PARD3B: variants seen among roughly 807,000 people sequenced by gnomAD.
The protein encoded by PARD3B is par-3 family cell polarity regulator beta.
Under a neutral mutation model 130.2 loss-of-function variants are expected in PARD3B, and 103 were observed. The observed-to-expected ratio is 0.79, with a 90% confidence interval of 0.67 to 0.93. PARD3B has a LOEUF of 0.93. Among genes scored for constraint, PARD3B ranks in the 40% least tolerant of loss-of-function variants. PARD3B has a pLI of 0.00. For synonymous variants in PARD3B, 583 were observed against 553.2 expected (o/e 1.05, Z -0.76); for missense variants, 1,609 against 1,499.2 (o/e 1.07, Z -1.21).
chr2:205,275,866 T>C, intron 16 of PARD3B, among the ~76,000 whole-genome samples: 1 of 144,582 alleles, frequency 6.9e-6, no homozygotes, highest in South Asian at 2.2e-4. Flanking sequence ...AAAAAAAGGT[T>C]CAATTAGATG....
chr2:204,753,300 G>A (rs2040536832), intron 2 of PARD3B, among the ~76,000 whole-genome samples: 1 of 152,006 alleles, frequency 6.6e-6, no homozygotes, highest in African/African-American at 2.4e-5. Context: ...AATATCTTCA[G>A]TTTTTCATCC....
chr2:205,262,573 A>C (rs1161737016), intron 16 of PARD3B, among the ~76,000 whole-genome samples: 2 of 152,110 alleles, frequency 1.3e-5, no homozygotes, highest in African/African-American at 4.8e-5. Flanking sequence ...GTGTTGTTTC[A>C]AAAGTATAAG....
At chr2:205,381,683 A>G (rs1010490533) in intron 18 of PARD3B, among the ~76,000 whole-genome samples, 2 of 151,994 alleles carry the variant, frequency 1.3e-5, no homozygotes, top group Non-Finnish European at 2.9e-5. Flanking sequence ...TTCCCAACCA[A>G]TAAAAGCGAA....
At chr2:204,814,158 G>A (rs1245280314) in intron 2 of PARD3B, among the ~76,000 whole-genome samples, 6 of 151,812 alleles carry the variant, frequency 4.0e-5, no homozygotes. Flanking sequence ...CATGTTTTTA[G>A]TGTATAGATC....
chr2:204,797,174 CAAAAAAA>C (rs1162381095), intron 2 of PARD3B, among the ~76,000 whole-genome samples: 2 of 53,026 alleles, frequency 3.8e-5, no homozygotes, highest in Non-Finnish European at 8.3e-5. Context: ...GACTCTGTCT[CAAAAAAA>C]AAAAAAAAAA....
rs561914798 is a variant in PARD3B at position 204,823,000 on chromosome 2, G to T, written c.222+136718G>T. 1.6e-4 allele frequency among the ~76,000 whole-genome samples: 25 copies of T among 152,160 alleles called. 1 individual carries two copies. In the South Asian group the frequency reaches 2.7e-3, roughly 16 times the overall value. On this transcript the variant is annotated intron_variant, in intron 2 of 22. Transcript: ENST00000406610. ...GGCACTAATCAGGTTTGAAAGTTTG[G>T]GGGACACTTCAAGTTGCTCATCATT...
At position 205,325,404 on chromosome 2, in the gene PARD3B, T is replaced by C. The variant is rs1022111847; in HGVS notation, c.2630+23703T>C. Among the ~76,000 whole-genome samples the C allele has an allele frequency of 2.0e-5, 3 of 152,180 alleles. No individual in the cohort carries two copies. The highest frequency in any genetic ancestry group is 7.2e-5 in the African/African-American group (3 of 41,454). Reference sequence around the variant, plus strand: ...CATCCTTCAATCCACACTAACCCCGTGGTCAACTCTTAGTGATGCTTAAAT... The same window carrying C: ...CATCCTTCAATCCACACTAACCCCGCGGTCAACTCTTAGTGATGCTTAAAT... On this transcript the variant is annotated intron_variant, in intron 18 of 22. Transcript: ENST00000406610. The surrounding 1 kb of genome is among the most constrained non-coding windows in gnomAD (Gnocchi z 4.1).
chr2:204,867,145 A>G (rs1375173459), intron 2 of PARD3B, among the ~76,000 whole-genome samples: 1 of 152,140 alleles, frequency 6.6e-6, no homozygotes, highest in Non-Finnish European at 1.5e-5. Context: ...TTGGTAAAGC[A>G]TTTGTTGATT....
intron 20 of PARD3B, among the ~76,000 whole-genome samples, chr2:205,441,954 G>T (rs539060389): frequency 6.6e-6 from 1 of 152,254 alleles, no homozygotes; most frequent in Admixed American, 6.5e-5. Context: ...CTAATTCAAA[G>T]AATTGATTAA....
At chr2:205,148,723 TATTCTTTTTTTAAAAAAAAA>T (rs2125690044) in intron 10 of PARD3B, among the ~76,000 whole-genome samples, 2 of 152,298 alleles carry the variant, frequency 1.3e-5, no homozygotes, top group East Asian at 3.9e-4. Flanking sequence ...TTTTAAAAGT[TATTCTTTTTTTAAAAAAAAA>T]AAGCTCTTTT....
At position 205,121,547 on chromosome 2, in the gene PARD3B, A is replaced by G. The variant is rs771107652; in HGVS notation, c.807-44A>G. 6.5e-7 allele frequency: 1 copy of G among 1,545,362 alleles called. No individual in the cohort carries two copies. The highest frequency in any genetic ancestry group is 8.9e-7 in the Non-Finnish European group (1 of 1,127,176). ...CCTGGGGTACTTTAGAAGATGCTGC[A>G]CCTCAAAGCAGGGTCATCATACATT... On this transcript the variant is annotated intron_variant, in intron 7 of 22. Transcript: ENST00000406610. This position sits in a 1 kb window ranked among gnomAD's most constrained non-coding sequence, Gnocchi z 5.0.
In PARD3B at chr2:204,890,081, GC is replaced by G. The variant is rs758136965; in HGVS notation, c.223-75070del. Among the ~76,000 whole-genome samples, 15 of 152,096 alleles carry G rather than the reference GC, an allele frequency of 9.9e-5. No homozygotes were observed. Among genetic ancestry groups the G allele is most frequent in the Non-Finnish European group, 1.8e-4 (12 of 68,012 alleles). On this transcript the variant is annotated intron_variant, in intron 2 of 22. Transcript: ENST00000406610. The surrounding 1 kb of genome is among the most constrained non-coding windows in gnomAD (Gnocchi z 4.9). ...GTTCTCTGGGACTATCGGTTTTATT[GC>G]AACTGGATGCAGAATTTACCATGTC...
Position 205,201,897 on chromosome 2 carries a change from C to T in PARD3B, c.2140+8577C>T, listed in dbSNP as rs563629002. On this transcript the variant is annotated intron_variant, in intron 15 of 22. Transcript: ENST00000406610. ...ATAGTTATATGTTTTAACTACATAA[C>T]TGTATTATAATATGTACACAGATTA... Among the ~76,000 whole-genome samples the T allele has an allele frequency of 1.2e-4, 18 of 152,242 alleles. No individual in the cohort carries two copies. The South Asian group carries it at 2.7e-3, about 23-fold the overall frequency.
In PARD3B at chr2:205,176,701, C is replaced by A; in HGVS notation, c.1924+124C>A. 9.2e-7 allele frequency: 1 copy of A among 1,091,228 alleles called. No homozygotes were observed. Among genetic ancestry groups the A allele is most frequent in the Non-Finnish European group, 1.2e-6 (1 of 801,218 alleles). The allele number at this position is 1,091,228 out of a possible 1,614,324, so 67.6% of individuals were successfully genotyped here. A position where few individuals can be genotyped will look rare whatever the true frequency, so the allele number is the denominator to read the frequency against. On this transcript the variant is annotated intron_variant, in intron 13 of 22. Transcript: ENST00000406610. This position sits in a 1 kb window ranked among gnomAD's most constrained non-coding sequence, Gnocchi z 5.3. ...TAGACTAAGTGCAGACTTTGTTACT[C>A]GGAGTCACAAACACTGAGAGAGTTG...
rs573698101 is a variant in PARD3B, at chr2:204,810,501, A to G, written c.222+124219A>G. Among the ~76,000 whole-genome samples the G allele has an allele frequency of 2.0e-5, 3 of 152,270 alleles. No homozygotes were observed. The South Asian group carries it at 6.2e-4, about 32-fold the overall frequency. On this transcript the variant is annotated intron_variant, in intron 2 of 22. Coordinates refer to ENST00000406610, the MANE Select transcript of PARD3B (RefSeq NM_001302769.2). ...GAATTTTATCAAAAGCCTTTTCTGC[A>G]TCTATTGTGCATCATTGTGCATCTA...
At chr2:204,766,260 GTACTTAA>G in intron 2 of PARD3B, among the ~76,000 whole-genome samples, 1 of 152,196 alleles carries the variant, frequency 6.6e-6, no homozygotes, top group Admixed American at 6.5e-5. Context: ...ATGTTAAGTA[GTACTTAA>G]TACTTATGTG....
chr2:205,493,511 C>G (rs2049802074), intron 20 of PARD3B, among the ~76,000 whole-genome samples: 1 of 151,886 alleles, frequency 6.6e-6, no homozygotes, highest in African/African-American at 2.4e-5. Flanking sequence ...AAGGAAGCAT[C>G]AAAATAACAT....
At chr2:205,555,893 G>A (rs557481980) in intron 22 of PARD3B, among the ~76,000 whole-genome samples, 2 of 152,244 alleles carry the variant, frequency 1.3e-5, no homozygotes, top group African/African-American at 4.8e-5. Flanking sequence ...ATTGCACCCT[G>A]GTCCATGGGT....
chr2:204,771,650 A>G (rs532943497), intron 2 of PARD3B, among the ~76,000 whole-genome samples: 1 of 152,190 alleles, frequency 6.6e-6, no homozygotes, highest in South Asian at 2.1e-4. Context: ...ACCTGCACAT[A>G]TACCCCCTGA....
Sources: gnomAD v4.1 joint callset for allele counts (sites outside exome capture counted in the v4.1 genomes callset) on GRCh38, gnomAD v4.1.1 for gene constraint, Gnocchi (gnomAD v3.1) non-coding constraint, MANE v1.5 for transcripts, NCBI Gene and HGNC (gene_info 2026-07-23, HGNC 2026-07-21) for gene names.